The following ANKRD44 variants were observed in gnomAD, a reference collection of about 807,000 sequenced individuals.
ANKRD44 encodes ankyrin repeat domain 44, also known as serine/threonine-protein phosphatase 6 regulatory ankyrin repeat subunit B.
A neutral mutation model predicts 116.0 loss-of-function variants in ANKRD44; 35 were observed. The ratio of observed to expected loss-of-function variants is 0.30; its 90% confidence interval spans 0.23 to 0.40. The LOEUF (loss-of-function observed/expected upper bound fraction) is 0.40, where lower values mean the gene tolerates loss of function less well. Ranked by LOEUF, ANKRD44 falls within the 10% of genes least tolerant of loss-of-function variation. The probability of loss-of-function intolerance (pLI) is 1.00; values close to 1 mark genes in which losing one functional copy is unlikely to be tolerated. For missense variants in ANKRD44, 1,014 were observed against 1,242.6 expected, an observed-to-expected ratio of 0.82 and a Z score of 2.77; for synonymous variants, 435 against 461.8, an observed-to-expected ratio of 0.94 and a Z score of 0.74.
intron 2 of ANKRD44, among the ~76,000 whole-genome samples, chr2:197,171,361 G>C (rs2080229811): frequency 6.6e-6 from 1 of 152,166 alleles, no homozygotes; most frequent in African/African-American, 2.4e-5. Flanking sequence ...TCAAGTAGAG[G>C]GACAGATGAT....
At chr2:197,253,925 C>T (rs1321813877) in intron 1 of ANKRD44, among the ~76,000 whole-genome samples, 5 of 152,222 alleles carry the variant, frequency 3.3e-5, no homozygotes, top group East Asian at 1.9e-4. Flanking sequence ...TCCAGAAACA[C>T]ACTCATAATC....
At chr2:197,053,342 T>C (rs76758245) in intron 16 of ANKRD44, among the ~76,000 whole-genome samples, 8,985 of 152,278 alleles carry the variant, frequency 0.059, 901 homozygotes, top group African/African-American at 0.21. Flanking sequence ...TTTCTTTTTA[T>C]ATTTCTATGA....
chr2:197,293,951 G>A (rs760951150), intron 1 of ANKRD44, among the ~76,000 whole-genome samples: 41 of 152,288 alleles, frequency 2.7e-4, no homozygotes, highest in African/African-American at 6.5e-4. Flanking sequence ...GAAATGACAC[G>A]TGATTTTATA....
chr2:197,303,532 C>T (rs897582191), intron 1 of ANKRD44, among the ~76,000 whole-genome samples: 1 of 152,184 alleles, frequency 6.6e-6, no homozygotes, highest in East Asian at 1.9e-4. Context: ...CATGTCTAGG[C>T]TCAAACAGAT....
At chr2:197,153,645 C>T (rs1236865071) in intron 2 of ANKRD44, among the ~76,000 whole-genome samples, 1 of 152,178 alleles carries the variant, frequency 6.6e-6, no homozygotes, top group Non-Finnish European at 1.5e-5. Context: ...TTTAACATCT[C>T]ATAAATACAC....
At chr2:197,084,241 C>T (rs1046181301) in intron 13 of ANKRD44, among the ~76,000 whole-genome samples, 2 of 152,136 alleles carry the variant, frequency 1.3e-5, no homozygotes, top group African/African-American at 4.8e-5. Flanking sequence ...TGACTTGAGG[C>T]TTTCTGGATC....
chr2:197,154,825 T>C (rs1171392451), intron 2 of ANKRD44, among the ~76,000 whole-genome samples: 1 of 152,206 alleles, frequency 6.6e-6, no homozygotes, highest in Non-Finnish European at 1.5e-5. Context: ...AGCAAATCTC[T>C]GTCCCAACAT....
intron 16 of ANKRD44, chr2:197,029,189 C>T (rs543641518): frequency 2.6e-5 from 5 of 191,098 alleles, no homozygotes; most frequent in East Asian, 1.8e-4. Flanking sequence ...TCCAAGTGTT[C>T]TCATTGTTCA....
At chr2:197,090,720 C>T (rs951844418) in intron 10 of ANKRD44, among the ~76,000 whole-genome samples, 1 of 152,094 alleles carries the variant, frequency 6.6e-6, no homozygotes, top group African/African-American at 2.4e-5. Context: ...CTACCCATGG[C>T]CCTCCCCCAC....
intron 8 of ANKRD44, among the ~76,000 whole-genome samples, chr2:197,112,312 T>G (rs1292179024): frequency 6.6e-6 from 1 of 152,192 alleles, no homozygotes; most frequent in Non-Finnish European, 1.5e-5. Flanking sequence ...AAAATGACTG[T>G]TTTAAAAACT....
intron 10 of ANKRD44, 122 bp downstream of exon 10, chr2:197,099,694 A>G (rs1410615012): frequency 8.9e-6 from 12 of 1,352,930 alleles, no homozygotes; most frequent in Non-Finnish European, 1.1e-5. Flanking sequence ...ATTTGTATTT[A>G]GTATAATGGT....
At chr2:197,009,656 AC>A (rs949569280) in intron 18 of ANKRD44, among the ~76,000 whole-genome samples, 1 of 152,174 alleles carries the variant, frequency 6.6e-6, no homozygotes, top group Non-Finnish European at 1.5e-5. Context: ...GGCATGAGCC[AC>A]CGTGCCTGGC....
chr2:197,034,054 G>GAGAGAGAGAGAA (rs1553490991), intron 16 of ANKRD44, among the ~76,000 whole-genome samples: 1 of 148,930 alleles, frequency 6.7e-6, no homozygotes, highest in Non-Finnish European at 1.5e-5. Flanking sequence ...GAGGGCTAGA[G>GAGAGAGAGAGAA]AGAGAGAGAG....
At chr2:197,200,957 G>T (rs1398419821) in intron 1 of ANKRD44, among the ~76,000 whole-genome samples, 1 of 152,180 alleles carries the variant, frequency 6.6e-6, no homozygotes, top group Non-Finnish European at 1.5e-5. Flanking sequence ...TGTTAAATAT[G>T]ATTTGAAAGT....
At chr2:197,310,553 GC>G in intron 1 of ANKRD44, 24 bp downstream of exon 1, 1 of 1,145,630 alleles carries the variant, frequency 8.7e-7, no homozygotes, top group Admixed American at 3.9e-5. Flanking sequence ...CGCGCGTCCC[GC>G]CCGCCGGCGC....
intron 1 of ANKRD44, among the ~76,000 whole-genome samples, chr2:197,188,096 T>A (rs975358030): frequency 6.6e-6 from 1 of 152,220 alleles, no homozygotes; most frequent in Non-Finnish European, 1.5e-5. Context: ...TAAACATGAT[T>A]ACATCTACTG....
At chr2:197,074,874 C>T (rs2077632738) in intron 16 of ANKRD44, among the ~76,000 whole-genome samples, 1 of 152,156 alleles carries the variant, frequency 6.6e-6, no homozygotes, top group Admixed American at 6.6e-5. Flanking sequence ...CAACCTAAAA[C>T]ATTGAGTCGT....
intron 16 of ANKRD44, among the ~76,000 whole-genome samples, chr2:197,026,838 T>C (rs2124850152): frequency 6.6e-6 from 1 of 152,150 alleles, no homozygotes; most frequent in Middle Eastern, 3.4e-3. Context: ...AACAGTTGGA[T>C]TGTGGATATT....
At chr2:197,301,921 G>T (rs1010804644) in intron 1 of ANKRD44, among the ~76,000 whole-genome samples, 1 of 152,222 alleles carries the variant, frequency 6.6e-6, no homozygotes, top group Non-Finnish European at 1.5e-5. Flanking sequence ...GGAAAATAAA[G>T]AAAGGCAGAC....
Sources: allele counts gnomAD v4.1 joint callset (sites outside exome capture counted in the v4.1 genomes callset), GRCh38; gene constraint gnomAD v4.1.1; transcripts MANE v1.5; gene names NCBI Gene and HGNC (gene_info 2026-07-23, HGNC 2026-07-21).